Variants in AUTS2 observed in about 807,000 individuals in gnomAD.
AUTS2 encodes autism susceptibility gene 2 protein.
In AUTS2, 17 loss-of-function variants were observed where a neutral mutation model predicts 112.4. That is an observed-to-expected ratio of 0.15 (90% CI 0.10 to 0.23). AUTS2 has a LOEUF of 0.23. Ranked by LOEUF, AUTS2 falls within the 10% of genes least tolerant of loss-of-function variation. The probability of loss-of-function intolerance (pLI) is 1.00; values close to 1 mark genes in which losing one functional copy is unlikely to be tolerated. For missense variants in AUTS2, 1,510 were observed against 1,701.6 expected, an observed-to-expected ratio of 0.89 and a Z score of 1.98; for synonymous variants, 751 against 702.7, an observed-to-expected ratio of 1.07 and a Z score of -1.09.
chr7:69,800,748 T>G (rs1790047130), intron 1 of AUTS2, among the ~76,000 whole-genome samples: 1 of 152,158 alleles, frequency 6.6e-6, no homozygotes, highest in South Asian at 2.1e-4. Context: ...CACATGTGAC[T>G]AGGTCCCTGC....
intron 4 of AUTS2, among the ~76,000 whole-genome samples, chr7:70,333,169 C>T (rs1790836248): frequency 6.6e-6 from 1 of 152,130 alleles, no homozygotes; most frequent in African/African-American, 2.4e-5. Flanking sequence ...AGACACTTCT[C>T]AAAAGAAGAC....
chr7:69,716,729 G>C (rs1798627575), intron 1 of AUTS2, among the ~76,000 whole-genome samples: 1 of 152,074 alleles, frequency 6.6e-6, no homozygotes, highest in Admixed American at 6.6e-5. Context: ...AGTTCCAGGT[G>C]ATGTGTACTT....
chr7:70,569,549 C>T (rs892583156), intron 5 of AUTS2, among the ~76,000 whole-genome samples: 3 of 152,182 alleles, frequency 2.0e-5, no homozygotes, highest in Non-Finnish European at 4.4e-5. Flanking sequence ...TTTCTGTCTC[C>T]CTAGTTCAGC....
chr7:70,785,248 G>A (rs551180576), intron 16 of AUTS2, among the ~76,000 whole-genome samples: 1 of 152,330 alleles, frequency 6.6e-6, no homozygotes, highest in African/African-American at 2.4e-5. Flanking sequence ...CTCGGCAGTG[G>A]TTCTGCCTGA....
rs34149543 is a variant in AUTS2, at chr7:69,722,378, AT to A, written c.309+122432del. The stretch of plus-strand genomic sequence containing the variant: ...GCAAATGGAGGTATTCTTATTCTAC[AT>A]TTTTTTTTTTTTTTTGAGACCAAGT... On this transcript the variant is annotated intron_variant, in intron 1 of 18. Coordinates refer to ENST00000342771, the MANE Select transcript of AUTS2 (RefSeq NM_015570.4). Among the ~76,000 whole-genome samples, 100 of 142,676 alleles carry A rather than the reference AT, an allele frequency of 7.0e-4. 1 individual carries two copies. The highest frequency in any genetic ancestry group is 1.2e-3 in the Admixed American group (17 of 14,404). 93.6% of individuals were successfully genotyped at this position (142,676 alleles called of 152,430 possible). A position where few individuals can be genotyped will look rare whatever the true frequency, so the allele number is the denominator to read the frequency against.
At chr7:69,981,923 T>TTC (rs1283576971) in intron 2 of AUTS2, among the ~76,000 whole-genome samples, 1 of 152,212 alleles carries the variant, frequency 6.6e-6, no homozygotes, top group African/African-American at 2.4e-5. Flanking sequence ...TGTGCTTATC[T>TTC]TCTCTTAGTT....
chr7:70,728,921 C>T lies in AUTS2; in HGVS notation c.742+30301C>T, dbSNP rs370470121. ...CACAGATCGTTTCCTTAACAATGCT[C>T]CCTGATTAGAAGAAATGTCTCCTCT... On this transcript the variant is annotated intron_variant, in intron 6 of 18. Transcript: ENST00000342771. Among the ~76,000 whole-genome samples the T allele has an allele frequency of 3.5e-4, 54 of 152,146 alleles. 1 individual carries two copies. In the South Asian group the frequency reaches 8.9e-3, roughly 25 times the overall value.
At chr7:70,788,365 A>AGAT (rs1791655366) in intron 18 of AUTS2, among the ~76,000 whole-genome samples, 2 of 152,216 alleles carry the variant, frequency 1.3e-5, no homozygotes, top group South Asian at 4.1e-4. Flanking sequence ...TAAATGGGGC[A>AGAT]GATTAGTAGA....
intron 2 of AUTS2, among the ~76,000 whole-genome samples, chr7:69,907,616 C>T (rs1380162319): frequency 6.6e-6 from 1 of 152,136 alleles, no homozygotes; most frequent in Non-Finnish European, 1.5e-5. Context: ...AGAGCCTGTG[C>T]ATGTTCAGTA....
chr7:70,071,632 C>T (rs1802772139), intron 2 of AUTS2, among the ~76,000 whole-genome samples: 1 of 152,130 alleles, frequency 6.6e-6, no homozygotes, highest in Admixed American at 6.5e-5. Context: ...GGGTCTGATG[C>T]TGGCAGATTA....
In AUTS2 at chr7:70,560,067, G is replaced by A. The variant is rs1190765820; in HGVS notation, c.690+124286G>A. On this transcript the variant is annotated intron_variant, in intron 5 of 18. Transcript: ENST00000342771. ...CTTTGGTCTGGCCTTCCAACAAGCT[G>A]AGCTAATTTGCACCACAGAGATTGG... Among the ~76,000 whole-genome samples, 3 of 152,288 alleles carry A rather than the reference G, an allele frequency of 2.0e-5. No individual in the cohort carries two copies. The South Asian group carries it at 6.2e-4, about 32-fold the overall frequency.
chr7:70,249,521 C>T (rs1173685615), intron 4 of AUTS2, among the ~76,000 whole-genome samples: 1 of 152,012 alleles, frequency 6.6e-6, no homozygotes, highest in Non-Finnish European at 1.5e-5. Context: ...GCAAAGAGAC[C>T]CTGGGATCTT....
chr7:69,746,661 G>T (rs960632552), intron 1 of AUTS2, among the ~76,000 whole-genome samples: 1 of 152,126 alleles, frequency 6.6e-6, no homozygotes, highest in African/African-American at 2.4e-5. Context: ...AGCCTGACTA[G>T]AGCAGAGAGG....
At chr7:70,626,878 G>T (rs1036887059) in intron 5 of AUTS2, among the ~76,000 whole-genome samples, 2 of 152,174 alleles carry the variant, frequency 1.3e-5, no homozygotes, top group Non-Finnish European at 2.9e-5. Flanking sequence ...GTATTCCATC[G>T]TGTATATGTA....
intron 4 of AUTS2, among the ~76,000 whole-genome samples, chr7:70,286,436 T>C (rs1334059634): frequency 1.3e-5 from 2 of 152,244 alleles, no homozygotes; most frequent in Non-Finnish European, 2.9e-5. Context: ...GAAAGTATTC[T>C]AAAACATAAA....
intron 2 of AUTS2, among the ~76,000 whole-genome samples, chr7:70,012,795 T>G (rs1159994930): frequency 6.6e-6 from 1 of 152,212 alleles, no homozygotes; most frequent in Non-Finnish European, 1.5e-5. Context: ...CAGTATGTGA[T>G]GATGGCTTTT....
chr7:70,288,758 G>C (rs1788579056), intron 4 of AUTS2, among the ~76,000 whole-genome samples: 1 of 152,096 alleles, frequency 6.6e-6, no homozygotes, highest in African/African-American at 2.4e-5. Context: ...AGGCCTGAAT[G>C]GTAGAAAAAT....
intron 1 of AUTS2, among the ~76,000 whole-genome samples, chr7:69,808,114 G>A (rs1268450714): frequency 6.6e-6 from 1 of 152,080 alleles, no homozygotes; most frequent in Non-Finnish European, 1.5e-5. Context: ...TTTTAGTAGA[G>A]ACGGGGTTTT....
At chr7:70,239,734 C>T (rs1007618536) in intron 4 of AUTS2, among the ~76,000 whole-genome samples, 1 of 152,178 alleles carries the variant, frequency 6.6e-6, no homozygotes, top group African/African-American at 2.4e-5. Flanking sequence ...CATACCCGGC[C>T]CCTGCAACCT....
Sources: allele counts gnomAD v4.1 joint callset (sites outside exome capture counted in the v4.1 genomes callset), GRCh38; gene constraint gnomAD v4.1.1; transcripts MANE v1.5; gene names NCBI Gene and HGNC (gene_info 2026-07-23, HGNC 2026-07-21).